The following NRXN1 variants were observed in gnomAD, a reference collection of about 807,000 sequenced individuals.
The protein encoded by NRXN1 is neurexin-1.
In NRXN1, 39 loss-of-function variants were observed where a neutral mutation model predicts 150.9. That is an observed-to-expected ratio of 0.26 (90% CI 0.20 to 0.34). The LOEUF (loss-of-function observed/expected upper bound fraction) is 0.34. NRXN1 is among the 10% of genes least tolerant of loss of function. NRXN1 has a pLI of 1.00. For missense variants in NRXN1, 1,815 were observed against 1,949.9 expected (o/e 0.93, Z 1.30); for synonymous variants, 924 against 757.0 (o/e 1.22, Z -3.62).
chr2:50,618,107 T>C (rs1679338637), intron 8 of NRXN1, among the ~76,000 whole-genome samples: 1 of 152,160 alleles, frequency 6.6e-6, no homozygotes, highest in Admixed American at 6.5e-5. Flanking sequence ...CTTCTCTGTA[T>C]AAAGCAGGAT....
chr2:50,635,452 C>T (rs566275912), intron 5 of NRXN1, among the ~76,000 whole-genome samples: 5 of 151,996 alleles, frequency 3.3e-5, no homozygotes, highest in South Asian at 2.1e-4. Flanking sequence ...GGATTACAGG[C>T]GTGAGCCACT....
intron 19 of NRXN1, among the ~76,000 whole-genome samples, chr2:50,067,105 T>C (rs566017616): frequency 6.6e-6 from 1 of 152,124 alleles, no homozygotes; most frequent in East Asian, 1.9e-4. Flanking sequence ...GGCTTTTATA[T>C]CCAGTTAAAC....
At chr2:51,026,465 T>A in intron 2 of NRXN1, 1 of 1,595,616 alleles carries the variant, frequency 6.3e-7, no homozygotes, top group South Asian at 1.1e-5. Flanking sequence ...GACCGAATTT[T>A]ATTTCTAAAG....
chr2:50,690,409 T>C (rs764917972), intron 5 of NRXN1, among the ~76,000 whole-genome samples: 18 of 152,196 alleles, frequency 1.2e-4, no homozygotes, highest in Non-Finnish European at 2.6e-4. Flanking sequence ...GTCCTCTTTA[T>C]GTACAGAATG....
intron 18 of NRXN1, among the ~76,000 whole-genome samples, chr2:50,134,661 G>A (rs536072572): frequency 1.2e-4 from 18 of 152,058 alleles, no homozygotes; most frequent in South Asian, 4.1e-4. Flanking sequence ...AGAAATCATC[G>A]CTTTTTCTCT....
chr2:50,444,973 G>A (rs1213044848), intron 17 of NRXN1, among the ~76,000 whole-genome samples: 2 of 152,014 alleles, frequency 1.3e-5, no homozygotes, highest in African/African-American at 4.8e-5. Context: ...GCAAGTGCCT[G>A]ACCCTCATCT....
chr2:50,790,233 C>G (rs1200215579), intron 5 of NRXN1, among the ~76,000 whole-genome samples: 1 of 152,136 alleles, frequency 6.6e-6, no homozygotes, highest in Admixed American at 6.6e-5. Context: ...CAACTCTTCC[C>G]ACTTATCCAC....
At chr2:50,996,086 A>G (rs1443672734) in intron 2 of NRXN1, among the ~76,000 whole-genome samples, 1 of 152,090 alleles carries the variant, frequency 6.6e-6, no homozygotes, top group African/African-American at 2.4e-5. Context: ...AGGTTCTGCA[A>G]GGAGATATGT....
At chr2:50,903,708 C>T (rs1050508095) in intron 5 of NRXN1, among the ~76,000 whole-genome samples, 2 of 152,130 alleles carry the variant, frequency 1.3e-5, no homozygotes, top group African/African-American at 2.4e-5. Flanking sequence ...CCTCTCAATA[C>T]GTCCTTAGGC....
rs187759175 is a variant in NRXN1 at position 50,812,750 on chromosome 2, G to C, written c.832+109119C>G. On this transcript the variant is annotated intron_variant, in intron 5 of 22. Transcript: ENST00000401669. ...TGTGTGTGTGTGTGTGTGAGCGCATGTGTGTGTGTGTGAAATTTAGCTATA... is the reference window on the plus strand; with the variant it reads ...TGTGTGTGTGTGTGTGTGAGCGCATCTGTGTGTGTGTGAAATTTAGCTATA... 2.4e-3 allele frequency among the ~76,000 whole-genome samples: 363 copies of C among 149,010 alleles called. 3 individuals carry two copies. The highest frequency in any genetic ancestry group is 4.2e-3 in the Non-Finnish European group (281 of 67,280).
chr2:50,298,006 T>C (rs893976953), intron 17 of NRXN1, among the ~76,000 whole-genome samples: 7 of 152,126 alleles, frequency 4.6e-5, no homozygotes, highest in Admixed American at 4.6e-4. Context: ...CTTTTTGTGA[T>C]CAGCACATCT....
intron 18 of NRXN1, among the ~76,000 whole-genome samples, chr2:50,235,073 C>T (rs1210624620): frequency 6.6e-6 from 1 of 152,008 alleles, no homozygotes; most frequent in Non-Finnish European, 1.5e-5. Context: ...ATTGTAGAAC[C>T]TTTTCTCAGA....
At chr2:50,549,126 T>G (rs1390248715) in intron 9 of NRXN1, among the ~76,000 whole-genome samples, 1 of 152,128 alleles carries the variant, frequency 6.6e-6, no homozygotes, top group Non-Finnish European at 1.5e-5. Context: ...TTTCATGAAA[T>G]TTCCATGTTT....
At chr2:50,040,768 T>C in intron 21 of NRXN1, among the ~76,000 whole-genome samples, 1 of 152,192 alleles carries the variant, frequency 6.6e-6, no homozygotes, top group East Asian at 1.9e-4. Context: ...GTTACTAGTT[T>C]CAGGAATAGT....
chr2:50,070,701 C>T (rs1314292236), intron 19 of NRXN1, among the ~76,000 whole-genome samples: 1 of 139,862 alleles, frequency 7.1e-6, no homozygotes, highest in East Asian at 2.2e-4. Flanking sequence ...ACCCGGGAGG[C>T]GGAGCTTGCA....
chr2:50,291,950 T>C (rs1432927355), intron 17 of NRXN1, among the ~76,000 whole-genome samples: 1 of 152,058 alleles, frequency 6.6e-6, no homozygotes, highest in African/African-American at 2.4e-5. Flanking sequence ...TGGCACTCTT[T>C]TAGTGTTGTA....
intron 17 of NRXN1, among the ~76,000 whole-genome samples, chr2:50,400,841 T>A (rs1354656338): frequency 6.6e-6 from 1 of 152,206 alleles, no homozygotes; most frequent in Non-Finnish European, 1.5e-5. Context: ...GATATGAATA[T>A]GTTTAAGAAA....
In NRXN1 at chr2:49,919,654, A is replaced by AAAAG. The variant is rs906245734; in HGVS notation, c.*2286_*2289dup. On this transcript the variant is annotated 3_prime_UTR_variant, in exon 23 of 23. Coordinates refer to ENST00000401669, the MANE Select transcript of NRXN1 (RefSeq NM_001330078.2). ...TGAGTAAGACTGAATGAGACGGGGG[A>AAAAG]AAAGAAAAGACTCGTGAATTATTTA... The AAAAG allele has an allele frequency of 2.5e-4, 38 of 152,042 alleles. No individual in the cohort carries two copies. Among genetic ancestry groups the AAAAG allele is most frequent in the African/African-American group, 8.9e-4 (37 of 41,434 alleles). 9.4% of individuals were successfully genotyped at this position (152,042 alleles called of 1,614,324 possible). A position where few individuals can be genotyped will look rare whatever the true frequency, so the allele number is the denominator to read the frequency against.
chr2:50,235,994 T>C (rs2065381885), intron 18 of NRXN1, among the ~76,000 whole-genome samples: 1 of 152,036 alleles, frequency 6.6e-6, no homozygotes, highest in South Asian at 2.1e-4. Context: ...TTACAAATAA[T>C]GCAAGAAAAT....
Sources: allele counts gnomAD v4.1 joint callset (sites outside exome capture counted in the v4.1 genomes callset), GRCh38; gene constraint gnomAD v4.1.1; transcripts MANE v1.5; gene names NCBI Gene and HGNC (gene_info 2026-07-23, HGNC 2026-07-21).